The following F8 variants were observed in gnomAD, a reference collection of about 807,000 sequenced individuals.
The protein encoded by F8 is antihemophilic factor.
F8 carries 12 observed loss-of-function variants against 140.6 expected under a neutral mutation model. The ratio of observed to expected loss-of-function variants is 0.09; its 90% CI spans 0.05 to 0.14. The LOEUF (loss-of-function observed/expected upper bound fraction) is 0.14, where lower values mean the gene tolerates loss of function less well. Ranked by LOEUF, F8 falls within the 10% of genes least tolerant of loss-of-function variation. The pLI, the probability that F8 is intolerant of heterozygous loss-of-function variation, is 1.00. For synonymous variants in F8, 585 were observed against 614.6 expected (o/e 0.95, Z 0.71); for missense variants, 1,354 against 1,720.7 (o/e 0.79, Z 3.77).
chrX:154,952,747 T>C (rs1257360511), intron 12 of F8, among the ~76,000 whole-genome samples: 2 of 110,486 alleles, frequency 1.8e-5, no homozygotes, highest in Non-Finnish European at 3.8e-5. Flanking sequence ...TTTCACTATG[T>C]TAGCCAGGAT....
chrX:154,876,590 A>G (rs2148574764), intron 22 of F8, among the ~76,000 whole-genome samples: 1 of 111,992 alleles, frequency 8.9e-6, no homozygotes, highest in South Asian at 3.7e-4. Flanking sequence ...AACATATTCA[A>G]ACCATATAAC....
At chrX:155,003,245 T>A (rs782605640) in intron 1 of F8, among the ~76,000 whole-genome samples, 13 of 111,131 alleles carry the variant, frequency 1.2e-4, no homozygotes, top group Middle Eastern at 4.6e-3. Flanking sequence ...AGGAAAAATA[T>A]GGAAATTCTA....
At chrX:154,898,881 C>G (rs912277647) in intron 21 of F8, among the ~76,000 whole-genome samples, 1 of 111,445 alleles carries the variant, frequency 9.0e-6, no homozygotes, top group Non-Finnish European at 1.9e-5. Context: ...TGGCTAGGCA[C>G]AGACAGGACA....
At chrX:154,954,085 ATGT>A (rs782593678) in intron 11 of F8, 43 bp from the exon 12 acceptor site, 1 of 1,167,324 alleles carries the variant, frequency 8.6e-7, no homozygotes, top group South Asian at 1.8e-5. Context: ...AATGCTACTG[ATGT>A]TGTCAGGTAG....
intron 14 of F8, 31 bp downstream of exon 14, chrX:154,928,540 C>T: frequency 8.9e-7 from 1 of 1,127,380 alleles, no homozygotes; most frequent in Non-Finnish European, 1.2e-6. Flanking sequence ...GTCACAAGAG[C>T]AGAGCAAAGG....
At chrX:154,852,045 T>C (rs956434722) in intron 25 of F8, among the ~76,000 whole-genome samples, 3 of 111,768 alleles carry the variant, frequency 2.7e-5, no homozygotes, top group Non-Finnish European at 5.6e-5. Flanking sequence ...TTTTAGCTTT[T>C]ATATTTAGTT....
In F8 at chrX:154,982,200, T is replaced by C. The variant is rs782335053; in HGVS notation, c.787+2487A>G. 1.9e-4 allele frequency among the ~76,000 whole-genome samples: 15 copies of C among 79,572 alleles called. 1 individual carries two copies. The South Asian group carries it at 8.5e-3, about 45-fold the overall frequency. 69.1% of individuals were successfully genotyped at this position (79,572 alleles called of 115,157 possible). On this transcript the variant is annotated intron_variant, in intron 6 of 25. Transcript: ENST00000360256. ...CTCCGTCTCAAAAAATATATATATA[T>C]ACTTTGGGAGGCCAAGGCGGGTGGA... is the stretch of plus-strand genomic sequence containing the variant.
At chrX:154,984,903 A>G (rs2073550875) in intron 5 of F8, 100 bp from the exon 6 acceptor site, 5 of 659,816 alleles carry the variant, frequency 7.6e-6, no homozygotes, top group Non-Finnish European at 1.2e-5. Flanking sequence ...CTCACACCTT[A>G]AGCATTTTTG....
At chrX:154,867,314 G>C (rs2072738382) in intron 22 of F8, among the ~76,000 whole-genome samples, 1 of 111,158 alleles carries the variant, frequency 9.0e-6, no homozygotes, top group Non-Finnish European at 1.9e-5. Context: ...AAATACAAGA[G>C]AGAACACTTC....
chrX:154,943,158 T>C lies in F8; in HGVS notation c.2113+4540A>G, dbSNP rs782266657. On this transcript the variant is annotated intron_variant, in intron 13 of 25. Coordinates refer to ENST00000360256, the MANE Select transcript of F8 (RefSeq NM_000132.4). Reference sequence around the variant, plus strand: ...TTCCTATTCAACATAGTGTTGGAAGTTCTGGCCAGGGCAATTAGGCAGGAG... The same window carrying C: ...TTCCTATTCAACATAGTGTTGGAAGCTCTGGCCAGGGCAATTAGGCAGGAG... 1.2e-4 allele frequency among the ~76,000 whole-genome samples: 13 copies of C among 111,851 alleles called. No homozygotes were observed. The East Asian group carries it at 3.1e-3, about 26-fold the overall frequency.
intron 13 of F8, among the ~76,000 whole-genome samples, chrX:154,940,059 TG>T (rs199593998): frequency 0.01 from 1,107 of 110,145 alleles, 15 homozygotes; most frequent in African/African-American, 0.035. Flanking sequence ...ACCACAAAGA[TG>T]GGGAAAAAAC....
chrX:154,851,669 C>T (rs1308672695), intron 25 of F8, among the ~76,000 whole-genome samples: 3 of 111,006 alleles, frequency 2.7e-5, no homozygotes, highest in African/African-American at 6.5e-5. Flanking sequence ...ATGATGTTGT[C>T]TATCTTTTCA....
At chrX:154,911,359 C>A (rs190770216) in intron 14 of F8, among the ~76,000 whole-genome samples, 114 of 108,383 alleles carry the variant, frequency 1.1e-3, no homozygotes, top group Non-Finnish European at 1.9e-3. Context: ...TCCATCCCAC[C>A]CCCCCATACC....
At chrX:154,896,297 A>G in intron 21 of F8, 65 bp from the exon 22 acceptor site, 1 of 1,085,460 alleles carries the variant, frequency 9.2e-7, no homozygotes, top group African/African-American at 1.8e-5. Context: ...TCCTGAAACT[A>G]ATTATTAGCT....
intron 6 of F8, among the ~76,000 whole-genome samples, chrX:154,977,007 A>T (rs2073490455): frequency 9.0e-6 from 1 of 111,147 alleles, no homozygotes; most frequent in Non-Finnish European, 1.9e-5. Flanking sequence ...TGATTCTTCT[A>T]TCAGTATGTT....
intron 13 of F8, among the ~76,000 whole-genome samples, chrX:154,945,317 G>C (rs1328665143): frequency 9.0e-6 from 1 of 111,029 alleles, no homozygotes; most frequent in Non-Finnish European, 1.9e-5. Context: ...GAAACTACAG[G>C]CCAATATCTC....
At chrX:154,967,158 C>A (rs2073429732) in intron 7 of F8, among the ~76,000 whole-genome samples, 1 of 111,318 alleles carries the variant, frequency 9.0e-6, no homozygotes, top group Non-Finnish European at 1.9e-5. Context: ...CCCCTAAGTA[C>A]CCCCCCTTTC....
intron 24 of F8, 94 bp from the exon 25 acceptor site, chrX:154,860,702 C>A: frequency 1.2e-6 from 1 of 857,660 alleles, no homozygotes; most frequent in South Asian, 2.1e-5. Flanking sequence ...GCACTTCTCA[C>A]TCTACTTTCT....
intron 21 of F8, chrX:154,897,983 T>G (rs1330531593): frequency 1.8e-5 from 2 of 112,610 alleles, no homozygotes; most frequent in East Asian, 5.5e-4. Flanking sequence ...TTCACCTATG[T>G]GCCCAGCCAG....
Sources: gnomAD v4.1 joint callset for allele counts (sites outside exome capture counted in the v4.1 genomes callset) on GRCh38, gnomAD v4.1.1 for gene constraint, MANE v1.5 for transcripts, NCBI Gene and HGNC (gene_info 2026-07-23, HGNC 2026-07-21) for gene names.